The following TENM3 variants were observed in gnomAD, a reference collection of about 807,000 sequenced individuals.
TENM3 encodes the protein teneurin transmembrane protein 3.
TENM3 carries 63 observed loss-of-function variants against 255.1 expected under a neutral mutation model. The observed-to-expected ratio is 0.25, with a 90% CI of 0.20 to 0.30. The LOEUF is 0.30. TENM3 is among the 10% of genes least tolerant of loss of function. TENM3 has a pLI of 1.00. For missense variants in TENM3, 2,929 were observed against 3,461.1 expected (o/e 0.85, Z 3.86); for synonymous variants, 1,306 against 1,322.3 (o/e 0.99, Z 0.27).
At chr4:182,552,313 T>G (rs1200805628) in intron 3 of TENM3, among the ~76,000 whole-genome samples, 5 of 152,202 alleles carry the variant, frequency 3.3e-5, no homozygotes, top group African/African-American at 1.2e-4. Context: ...CTTGATTTGC[T>G]TTCTAGTAGT....
intron 3 of TENM3, among the ~76,000 whole-genome samples, chr4:182,505,213 A>G (rs1736694466): frequency 6.6e-6 from 1 of 152,108 alleles, no homozygotes; most frequent in African/African-American, 2.4e-5. Flanking sequence ...TTAATTTAGT[A>G]TGAATGTCTA....
At chr4:182,481,833 A>G (rs977254965) in intron 3 of TENM3, among the ~76,000 whole-genome samples, 1 of 152,222 alleles carries the variant, frequency 6.6e-6, no homozygotes, top group Admixed American at 6.5e-5. Context: ...AAAATACAAT[A>G]CAATTATAAT....
At chr4:182,760,446 G>A (rs923880948) in intron 22 of TENM3, among the ~76,000 whole-genome samples, 3 of 152,168 alleles carry the variant, frequency 2.0e-5, no homozygotes, top group East Asian at 1.9e-4. Context: ...AATACAAACC[G>A]TTTGGGCATA....
chr4:181,934,353 G>A, the TENM3 span, among the ~76,000 whole-genome samples: 1 of 152,120 alleles, frequency 6.6e-6, no homozygotes, highest in Non-Finnish European at 1.5e-5. Flanking sequence ...CTCAGCAATG[G>A]GTTTCATTTA....
chr4:181,904,116 A>G, the TENM3 span, among the ~76,000 whole-genome samples: 1 of 151,854 alleles, frequency 6.6e-6, no homozygotes, highest in Non-Finnish European at 1.5e-5. Context: ...AAAACTTGAT[A>G]CTCTTCAGTA....
rs971866330 is a variant in TENM3, at chr4:182,800,353, G to T, written c.*2G>T. On this transcript the variant is annotated 3_prime_UTR_variant, in exon 28 of 28. Transcript: ENST00000511685. ...CAGAGCGAGATCGGCAGGAGGTAAC[G>T]CCCGGGCCGCGCCCGCCGAGCCGCT... 3 of 1,529,282 alleles carry T rather than the reference G, an allele frequency of 2.0e-6. No homozygotes were observed. Among genetic ancestry groups the T allele is most frequent in the South Asian group, 2.5e-5 (2 of 81,298 alleles). 94.7% of individuals were successfully genotyped at this position (1,529,282 alleles called of 1,614,324 possible).
the TENM3 span, among the ~76,000 whole-genome samples, chr4:182,133,745 G>T: frequency 1.5e-4 from 23 of 152,220 alleles, 1 homozygote; most frequent in African/African-American, 5.1e-4. Flanking sequence ...TGTGAATTTT[G>T]ATTTCTTTCT....
At chr4:181,595,430 CAAAAAAAAAAA>C in the TENM3 span, among the ~76,000 whole-genome samples, 3 of 41,856 alleles carry the variant, frequency 7.2e-5, no homozygotes, top group Admixed American at 2.6e-4. Context: ...GACTCCATCC[CAAAAAAAAAAA>C]AAAAAAAAAA....
At chr4:182,023,151 A>G in the TENM3 span, among the ~76,000 whole-genome samples, 1 of 152,194 alleles carries the variant, frequency 6.6e-6, no homozygotes, top group African/African-American at 2.4e-5. Context: ...CATGGCATGA[A>G]CGTTATTCTT....
chr4:182,337,988 C>A (rs534103204), intron 2 of TENM3, among the ~76,000 whole-genome samples: 1 of 152,038 alleles, frequency 6.6e-6, no homozygotes, highest in Non-Finnish European at 1.5e-5. Context: ...TGACTGGGTA[C>A]GGGAGAGCTT....
the TENM3 span, among the ~76,000 whole-genome samples, chr4:181,679,525 T>C: frequency 5.3e-5 from 8 of 152,120 alleles, no homozygotes; most frequent in Non-Finnish European, 1.2e-4. Context: ...AAATATATGT[T>C]GTATAGCACT....
chr4:182,630,895 A>G (rs1751308167), intron 5 of TENM3, among the ~76,000 whole-genome samples: 1 of 152,044 alleles, frequency 6.6e-6, no homozygotes, highest in East Asian at 1.9e-4. Context: ...CAGTTGTTAA[A>G]TATTTTGAAT....
rs780332209 is a variant in TENM3 at position 182,654,702 on chromosome 4, AT to A, written c.1111+811del. Among the ~76,000 whole-genome samples, 10 of 152,150 alleles carry A rather than the reference AT, an allele frequency of 6.6e-5. No homozygotes were observed. The East Asian group carries it at 1.9e-3, about 29-fold the overall frequency. ...TTCCTCTTTGTTTCTTGTCTAGTAT[AT>A]TGGTGTTCAGCTTTGGCATTAATAT... On this transcript the variant is annotated intron_variant, in intron 6 of 27. Transcript: ENST00000511685.
At chr4:182,663,350 T>C (rs1469109277) in intron 6 of TENM3, among the ~76,000 whole-genome samples, 3 of 137,748 alleles carry the variant, frequency 2.2e-5, no homozygotes, top group Non-Finnish European at 5.0e-5. Context: ...TTCTTCTATA[T>C]TAAATTATAC....
intron 13 of TENM3, among the ~76,000 whole-genome samples, chr4:182,715,858 A>G (rs934333057): frequency 1.2e-4 from 18 of 152,142 alleles, no homozygotes; most frequent in African/African-American, 3.9e-4. Context: ...AGGTGCTGCA[A>G]TTCTCTCCTT....
intron 1 of TENM3, among the ~76,000 whole-genome samples, chr4:182,156,259 A>G (rs750733953): frequency 7.2e-5 from 11 of 152,184 alleles, no homozygotes; most frequent in Non-Finnish European, 1.5e-4. Flanking sequence ...AAGTTTAACA[A>G]TTTCTCCAGA....
At chr4:182,432,025 G>A (rs1259119891) in intron 3 of TENM3, among the ~76,000 whole-genome samples, 6 of 149,742 alleles carry the variant, frequency 4.0e-5, no homozygotes, top group Non-Finnish European at 3.0e-5. Context: ...GCAGTGGGCC[G>A]AGATCCGAGA....
chr4:182,779,879 G>T (rs1765025800), intron 24 of TENM3, among the ~76,000 whole-genome samples: 1 of 152,090 alleles, frequency 6.6e-6, no homozygotes, highest in Non-Finnish European at 1.5e-5. Flanking sequence ...GTCTGTTCGT[G>T]TCCTTCGCCC....
chr4:182,329,771 G>A (rs1763634939), intron 2 of TENM3, among the ~76,000 whole-genome samples: 1 of 152,050 alleles, frequency 6.6e-6, no homozygotes, highest in Non-Finnish European at 1.5e-5. Flanking sequence ...ACTAAAAATG[G>A]CAGCAGATTA....
Sources: gnomAD v4.1 joint callset for allele counts (sites outside exome capture counted in the v4.1 genomes callset) on GRCh38, gnomAD v4.1.1 for gene constraint, MANE v1.5 for transcripts, NCBI Gene and HGNC (gene_info 2026-07-23, HGNC 2026-07-21) for gene names.